The following SHLD3 variants were observed in gnomAD, a reference collection of about 807,000 sequenced individuals.
SHLD3 encodes the protein shieldin complex subunit 3.
A neutral mutation model predicts 21.4 loss-of-function variants in SHLD3; 15 were observed. The observed-to-expected ratio is 0.70, with a 90% confidence interval of 0.47 to 1.08. The LOEUF is 1.08. Ranked by LOEUF, SHLD3 falls within the 50% of genes least tolerant of loss-of-function variation. The probability of loss-of-function intolerance (pLI) is 0.00; values close to 1 mark genes in which losing one functional copy is unlikely to be tolerated. For missense variants in SHLD3, 273 were observed against 286.1 expected (o/e 0.95, Z 0.33); for synonymous variants, 103 against 97.2 (o/e 1.06, Z -0.35).
Position 65,625,265 on chromosome 5 carries a change from G to A in SHLD3, c.-121+159G>A, listed in dbSNP as rs531067204. 331 of 650,050 alleles carry A rather than the reference G, an allele frequency of 5.1e-4. 4 individuals are homozygous for A. The South Asian group carries it at 5.8e-3, about 11-fold the overall frequency. 40.3% of individuals were successfully genotyped at this position (650,050 alleles called of 1,614,324 possible). A position where few individuals can be genotyped will look rare whatever the true frequency, so the allele number is the denominator to read the frequency against. The stretch of plus-strand genomic sequence containing the variant: ...CGGGAGGAAGCGATTTCTCCTGGAT[G>A]CTTTTTAGGTTTATGGGCCCCTTTC... On this transcript the variant is annotated intron_variant, in intron 1 of 1. Transcript: ENST00000510585.
At chr5:65,628,564 C>T (rs146146457) in intron 1 of SHLD3, among the ~76,000 whole-genome samples, 2,902 of 151,794 alleles carry the variant, frequency 0.019, 70 homozygotes, top group African/African-American at 0.058. Flanking sequence ...CTCAACCTCC[C>T]GGGTTCAAGC....
Position 65,630,133 on chromosome 5 carries a change from A to G in SHLD3, c.546A>G (p.Glu182=). ...CTATTTGTAACAGCCAAACTCTGGAAGACATTTGGACAAAACTCAATCAAA... is the reference window on the plus strand; with the variant it reads ...CTATTTGTAACAGCCAAACTCTGGAGGACATTTGGACAAAACTCAATCAAA... ...EHTICNSQTL[E]DIWTKLNQII... is the part of the protein sequence containing the mutation. Residue 182 remains glutamate (E), a synonymous_variant, in exon 2 of 2, where the codon GAA becomes GAG. Coordinates refer to ENST00000510585, the MANE Select transcript of SHLD3 (RefSeq NM_001365341.2). The G allele has an allele frequency of 1.3e-6, 2 of 1,536,074 alleles. No individual in the cohort carries two copies. Among genetic ancestry groups the G allele is most frequent in the Non-Finnish European group, 1.7e-6 (2 of 1,146,868 alleles).
At chr5:65,629,228 A>G (rs1343097003) in intron 1 of SHLD3, among the ~76,000 whole-genome samples, 3 of 152,206 alleles carry the variant, frequency 2.0e-5, no homozygotes, top group South Asian at 2.1e-4. Flanking sequence ...TGAGTTAAAC[A>G]TGTTGACTAC....
Position 65,630,123 on chromosome 5 carries a change from A to G in SHLD3, c.536A>G (p.Gln179Arg), listed in dbSNP as rs1755466086. ...ATAGAACACACTATTTGTAACAGCC[A>G]AACTCTGGAAGACATTTGGACAAAA... ...WTIEHTICNS[Q>R]TLEDIWTKLN... is the part of the protein sequence containing the mutation. Residue 179 changes from glutamine (Q) to arginine (R), a missense_variant, in exon 2 of 2, where the codon CAA becomes CGA. Transcript: ENST00000510585. 3.3e-6 allele frequency: 5 copies of G among 1,536,086 alleles called. No homozygotes were observed. Among genetic ancestry groups the G allele is most frequent in the Non-Finnish European group, 4.4e-6 (5 of 1,146,868 alleles).
intron 1 of SHLD3, among the ~76,000 whole-genome samples, chr5:65,627,131 CAAAAAAAAA>C (rs60169195): frequency 1.5e-4 from 5 of 32,580 alleles, no homozygotes; most frequent in Admixed American, 1.3e-3. Context: ...GACCCTGTCT[CAAAAAAAAA>C]AAAAAAAAAA....
Position 65,630,412 on chromosome 5 carries a change from T to A in SHLD3, c.*72T>A. On this transcript the variant is annotated 3_prime_UTR_variant, in exon 2 of 2. Coordinates refer to ENST00000510585, the MANE Select transcript of SHLD3 (RefSeq NM_001365341.2). ...TGGATTGAAATAGATAAAATAATTT[T>A]TACAGGTTTTAAAATTTTTAATGAC... 1 of 1,403,498 alleles carries A rather than the reference T, an allele frequency of 7.1e-7. No individual in the cohort carries two copies. Among genetic ancestry groups the A allele is most frequent in the Non-Finnish European group, 9.2e-7 (1 of 1,084,222 alleles). The allele number at this position is 1,403,498 out of a possible 1,614,324, so 86.9% of individuals were successfully genotyped here.
At chr5:65,627,243 G>A (rs1175021920) in intron 1 of SHLD3, among the ~76,000 whole-genome samples, 1 of 150,498 alleles carries the variant, frequency 6.6e-6, no homozygotes, top group Non-Finnish European at 1.5e-5. Context: ...CCATCTTATA[G>A]TTAACCCATT....
intron 1 of SHLD3, chr5:65,625,385 C>T (rs1317933789): frequency 9.6e-6 from 4 of 415,124 alleles, no homozygotes; most frequent in African/African-American, 2.0e-5. Context: ...CCGCTCCTAC[C>T]GTGGAGATCT....
At position 65,628,525 on chromosome 5, in the gene SHLD3, C is replaced by T. The variant is rs1011258764; in HGVS notation, c.-120-943C>T. Among the ~76,000 whole-genome samples, 4 of 150,014 alleles carry T rather than the reference C, an allele frequency of 2.7e-5. No individual in the cohort carries two copies. The South Asian group carries it at 6.3e-4, about 24-fold the overall frequency. On this transcript the variant is annotated intron_variant, in intron 1 of 1. Coordinates refer to ENST00000510585, the MANE Select transcript of SHLD3 (RefSeq NM_001365341.2). ...CCCAGGCTGGAGTGCAATGGGAGTACGATGGCGCGATCTCAGTTCACTGCA... is the reference window on the plus strand; with the variant it reads ...CCCAGGCTGGAGTGCAATGGGAGTATGATGGCGCGATCTCAGTTCACTGCA...
chr5:65,627,764 A>G (rs1187080805), intron 1 of SHLD3, among the ~76,000 whole-genome samples: 1 of 152,244 alleles, frequency 6.6e-6, no homozygotes, highest in Non-Finnish European at 1.5e-5. Flanking sequence ...TAGTTCTTGA[A>G]AGTATATATG....
Position 65,629,875 on chromosome 5 carries a change from C to G in SHLD3, c.288C>G (p.Ser96Arg). Reference sequence around the variant, plus strand: ...TAGATCTATTGGAGTTTCAACCTAGCTTGAAAAAGCAGCATTTAACCTGGT... The same window carrying G: ...TAGATCTATTGGAGTTTCAACCTAGGTTGAAAAAGCAGCATTTAACCTGGT... ...CTVDLLEFQP[S>R]LKKQHLTWSH... The change falls in exon 2 of 2, where the codon AGC becomes AGG. Residue 96 changes from serine (S) to arginine (R), a missense_variant. By Grantham distance (110) the Ser-to-Arg change is moderately radical. Transcript: ENST00000510585. The G allele has an allele frequency of 6.5e-7, 1 of 1,536,044 alleles. No individual in the cohort carries two copies. The highest frequency in any genetic ancestry group is 8.7e-7 in the Non-Finnish European group (1 of 1,146,890).
At position 65,630,160 on chromosome 5, in the gene SHLD3, T is replaced by A; in HGVS notation, c.573T>A (p.Ile191=). The A allele has an allele frequency of 6.5e-7, 1 of 1,536,052 alleles. No homozygotes were observed. The highest frequency in any genetic ancestry group is 2.4e-5 in the East Asian group (1 of 40,886). Residue 191 remains isoleucine (I), a synonymous_variant, in exon 2 of 2, where the codon ATT becomes ATA. Transcript: ENST00000510585. The part of the protein sequence containing the change: ...LEDIWTKLNQ[I]IRHNELPSCN... ...ACATTTGGACAAAACTCAATCAAAT[T>A]ATTAGGCACAATGAACTTCCATCTT...
chr5:65,626,456 C>T (rs898826379), intron 1 of SHLD3, among the ~76,000 whole-genome samples: 5 of 152,204 alleles, frequency 3.3e-5, no homozygotes, highest in Non-Finnish European at 7.3e-5. Context: ...AGTTAAATTG[C>T]AGCCGCGCGT....
intron 1 of SHLD3, among the ~76,000 whole-genome samples, chr5:65,628,807 C>A (rs573196350): frequency 1.3e-5 from 2 of 151,320 alleles, no homozygotes; most frequent in Non-Finnish European, 2.9e-5. Context: ...GATTAATTTT[C>A]TTCCAGACAG....
rs565299793 is a variant in SHLD3, at chr5:65,625,183, C to T, written c.-121+77C>T. 2.3e-5 allele frequency: 28 copies of T among 1,235,070 alleles called. No homozygotes were observed. In the African/African-American group the frequency reaches 3.7e-4, roughly 16 times the overall value. The allele number at this position is 1,235,070 out of a possible 1,614,324, so 76.5% of individuals were successfully genotyped here. On this transcript the variant is annotated intron_variant, in intron 1 of 1. Transcript: ENST00000510585. ...CTTATCGAAGCCTTTGCCATGTAGGCCTCATCCTTCTTAAACACTCAGTGC... is the reference window on the plus strand; with the variant it reads ...CTTATCGAAGCCTTTGCCATGTAGGTCTCATCCTTCTTAAACACTCAGTGC...
chr5:65,626,564 C>T (rs1755242200), intron 1 of SHLD3, among the ~76,000 whole-genome samples: 1 of 152,114 alleles, frequency 6.6e-6, no homozygotes, highest in South Asian at 2.1e-4. Flanking sequence ...AGTGAAACCC[C>T]GTCTCTATAA....
rs1400023198 is a variant in SHLD3, at chr5:65,629,876, T to G, written c.289T>G (p.Leu97Val). ...TVDLLEFQPS[L>V]KKQHLTWSHT... ...AGATCTATTGGAGTTTCAACCTAGCTTGAAAAAGCAGCATTTAACCTGGTC... is the reference window on the plus strand; with the variant it reads ...AGATCTATTGGAGTTTCAACCTAGCGTGAAAAAGCAGCATTTAACCTGGTC... The change falls in exon 2 of 2, where the codon TTG (leucine) becomes GTG (valine). Residue 97 changes from leucine to valine, a missense_variant. Leu to Val is a conservative substitution (Grantham distance 32). Transcript: ENST00000510585. 9 of 1,536,070 alleles carry G rather than the reference T, an allele frequency of 5.9e-6. No individual in the cohort carries two copies. The South Asian group carries it at 1.1e-4, about 18-fold the overall frequency.
In SHLD3 at chr5:65,625,028, C is replaced by G; in HGVS notation, c.-199C>G. On this transcript the variant is annotated 5_prime_UTR_variant, in exon 1 of 2. Transcript: ENST00000510585. ...CGGGGCAAGTTGAACCTGTCCAGCCCCCGTAGGCTGTGGGTCAAAAGTGCC... is the reference window on the plus strand; with the variant it reads ...CGGGGCAAGTTGAACCTGTCCAGCCGCCGTAGGCTGTGGGTCAAAAGTGCC... The G allele has an allele frequency of 6.2e-7, 1 of 1,602,716 alleles. No individual in the cohort carries two copies. Among genetic ancestry groups the G allele is most frequent in the Middle Eastern group, 1.7e-4 (1 of 6,050 alleles).
At chr5:65,626,468 G>C (rs1206615212) in intron 1 of SHLD3, among the ~76,000 whole-genome samples, 2 of 152,238 alleles carry the variant, frequency 1.3e-5, no homozygotes. Flanking sequence ...GCCGCGCGTG[G>C]TGGCTCACCC....
Sources: allele counts gnomAD v4.1 joint callset (sites outside exome capture counted in the v4.1 genomes callset), GRCh38; gene constraint gnomAD v4.1.1; transcripts MANE v1.5; gene names NCBI Gene and HGNC (gene_info 2026-07-23, HGNC 2026-07-21).